Variants in GALNT6 observed in about 807,000 individuals in gnomAD.
GALNT6 encodes the protein polypeptide N-acetylgalactosaminyltransferase 6.
A neutral mutation model predicts 65.9 loss-of-function variants in GALNT6; 51 were observed. That is an observed-to-expected ratio of 0.77 (90% CI 0.62 to 0.98). GALNT6 has a LOEUF of 0.98. Among genes scored for constraint, GALNT6 ranks in the 50% least tolerant of loss-of-function variants. The pLI, the probability that GALNT6 is intolerant of heterozygous loss-of-function variation, is 0.00. For synonymous variants in GALNT6, 323 were observed against 315.1 expected, an observed-to-expected ratio of 1.02 and a Z score of -0.26; for missense variants, 708 against 803.3, an observed-to-expected ratio of 0.88 and a Z score of 1.43.
intron 4 of GALNT6, among the ~76,000 whole-genome samples, chr12:51,369,664 AC>A (rs1294315321): frequency 6.6e-6 from 1 of 152,136 alleles, no homozygotes; most frequent in East Asian, 1.9e-4. Context: ...GGAAAATTCA[AC>A]ATATGCCCAA....
At chr12:51,386,682 A>G (rs752825270) in intron 2 of GALNT6, among the ~76,000 whole-genome samples, 1 of 152,150 alleles carries the variant, frequency 6.6e-6, no homozygotes, top group African/African-American at 2.4e-5. Context: ...CACTCTTACC[A>G]CGGGCACAGG....
intron 4 of GALNT6, among the ~76,000 whole-genome samples, chr12:51,366,882 C>T (rs897943504): frequency 1.3e-5 from 2 of 152,186 alleles, no homozygotes; most frequent in Admixed American, 1.3e-4. Flanking sequence ...AATCCCAGCA[C>T]TTTGGGAGGC....
chr12:51,364,410 A>T (rs1313208270), intron 5 of GALNT6, 55 bp from the exon 6 acceptor site: 2 of 1,260,638 alleles, frequency 1.6e-6, no homozygotes, highest in Non-Finnish European at 2.3e-6. Context: ...GCAGAGCCCA[A>T]GCTGCATCCT....
rs1006263710 is a variant in GALNT6 at position 51,373,078 on chromosome 12, C to T, written c.664+4117G>A. Among the ~76,000 whole-genome samples, 5 of 152,268 alleles carry T rather than the reference C, an allele frequency of 3.3e-5. No homozygotes were observed. In the South Asian group the frequency reaches 8.3e-4, roughly 25 times the overall value. ...TAACTTGCTTTTGATTTTACAGGCTCATAGGGGAAGGGACTTGCCTTGTCT... is the reference window on the plus strand; with the variant it reads ...TAACTTGCTTTTGATTTTACAGGCTTATAGGGGAAGGGACTTGCCTTGTCT... On this transcript the variant is annotated intron_variant, in intron 4 of 11. Transcript: ENST00000356317.
rs1186782033 is a variant in GALNT6, at chr12:51,353,004, C to A, written c.*1375G>T. ...TTTTCCTATGCTCTGTGGAGGCCAGCCAGCTAGAAATGATTAGAATGGAGG... is the reference window on the plus strand; with the variant it reads ...TTTTCCTATGCTCTGTGGAGGCCAGACAGCTAGAAATGATTAGAATGGAGG... On this transcript the variant is annotated 3_prime_UTR_variant, in exon 12 of 12. Transcript: ENST00000356317. 1 of 152,184 alleles carries A rather than the reference C, an allele frequency of 6.6e-6. No individual in the cohort carries two copies. Among genetic ancestry groups the A allele is most frequent in the Non-Finnish European group, 1.5e-5 (1 of 68,108 alleles). The allele number at this position is 152,184 out of a possible 1,614,324, so 9.4% of individuals were successfully genotyped here.
chr12:51,376,544 A>G (rs1947458290), intron 4 of GALNT6, among the ~76,000 whole-genome samples: 1 of 151,300 alleles, frequency 6.6e-6, no homozygotes, highest in East Asian at 2.0e-4. Flanking sequence ...GAGGCAGGAG[A>G]ATCGCTTGAA....
At position 51,357,426 on chromosome 12, in the gene GALNT6, A is replaced by G. The variant is rs374935407; in HGVS notation, c.1525T>C (p.Cys509Arg). 10 of 1,613,880 alleles carry G rather than the reference A, an allele frequency of 6.2e-6. No homozygotes were observed. Among genetic ancestry groups the G allele is most frequent in the Non-Finnish European group, 8.5e-6 (10 of 1,179,776 alleles). The change falls in exon 10 of 12, where the codon TGC (cysteine) becomes CGC (arginine). Residue 509 changes from cysteine to arginine, a missense_variant. Physicochemically the swap from Cys to Arg is radical, Grantham distance 180. Transcript: ENST00000356317. ...GAIKNLGTNQ[C>R]LDVGENNRGG... ...CGGTTGTTCTCACCCACATCCAGGC[A>G]TTGGTTGGTGCCGAGGTTCTTGATC...
At chr12:51,382,875 T>G (rs905457189) in intron 2 of GALNT6, among the ~76,000 whole-genome samples, 1 of 152,236 alleles carries the variant, frequency 6.6e-6, no homozygotes, top group African/African-American at 2.4e-5. Flanking sequence ...TTACCCCGTC[T>G]GGTACACAGA....
At position 51,351,321 on chromosome 12, in the gene GALNT6, C is replaced by T. The variant is rs867700287; in HGVS notation, c.*3058G>A. The T allele has an allele frequency of 3.9e-5, 6 of 152,180 alleles. No individual in the cohort carries two copies. The highest frequency in any genetic ancestry group is 7.2e-5 in the African/African-American group (3 of 41,438). The allele number at this position is 152,180 out of a possible 1,614,324, so 9.4% of individuals were successfully genotyped here. On this transcript the variant is annotated 3_prime_UTR_variant, in exon 12 of 12. Coordinates refer to ENST00000356317, the MANE Select transcript of GALNT6 (RefSeq NM_007210.4). ...TTTTTTTTGAATGGAGCAAGAGCTCCGTGAAGGCTAAAGTGCCTAGGGCCC... is the reference window on the plus strand; with the variant it reads ...TTTTTTTTGAATGGAGCAAGAGCTCTGTGAAGGCTAAAGTGCCTAGGGCCC...
rs193178441 is a variant in GALNT6, at chr12:51,364,712, C to T, written c.815-357G>A. Among the ~76,000 whole-genome samples, 354 of 152,320 alleles carry T rather than the reference C, an allele frequency of 2.3e-3. 2 individuals are homozygous for T. Among genetic ancestry groups the T allele is most frequent in the African/African-American group, 7.8e-3 (326 of 41,566 alleles). On this transcript the variant is annotated intron_variant, in intron 5 of 11. Transcript: ENST00000356317. ...TGTGGATTTCAGAAGAGGGTGTTCC[C>T]CCTCCCAGGGGCATCCGCATGTCAA...
chr12:51,363,478 T>C (rs1272163834), intron 6 of GALNT6, among the ~76,000 whole-genome samples: 2 of 152,018 alleles, frequency 1.3e-5, no homozygotes, highest in Non-Finnish European at 2.9e-5. Context: ...TTAATGTTTG[T>C]AAAAAAAATA....
At chr12:51,384,848 G>C (rs1252381006) in intron 2 of GALNT6, among the ~76,000 whole-genome samples, 1 of 152,042 alleles carries the variant, frequency 6.6e-6, no homozygotes, top group East Asian at 1.9e-4. Flanking sequence ...TCATGCCACT[G>C]CACTACAACC....
At chr12:51,372,691 G>C (rs1747946649) in intron 4 of GALNT6, among the ~76,000 whole-genome samples, 1 of 152,218 alleles carries the variant, frequency 6.6e-6, no homozygotes, top group South Asian at 2.1e-4. Context: ...CTGAACACAG[G>C]CTACTCTGCC....
rs943876855 is a variant in GALNT6 at position 51,388,162 on chromosome 12, T to A, written c.-104+2688A>T. Among the ~76,000 whole-genome samples the A allele has an allele frequency of 3.3e-5, 5 of 152,362 alleles. No individual in the cohort carries two copies. In the South Asian group the frequency reaches 1.0e-3, roughly 32 times the overall value. On this transcript the variant is annotated intron_variant, in intron 2 of 11. Transcript: ENST00000356317. Reference sequence around the variant, plus strand: ...CACACCCGCTCCCAAGTCCTGCTGATTCATTCCCTGCCTCCGGGTTCCTCA... The same window carrying A: ...CACACCCGCTCCCAAGTCCTGCTGAATCATTCCCTGCCTCCGGGTTCCTCA...
chr12:51,357,326 C>A, intron 10 of GALNT6, 23 bp downstream of exon 10: 2 of 1,476,182 alleles, frequency 1.4e-6, no homozygotes, highest in South Asian at 2.3e-5. Context: ...AGGAGATGCT[C>A]CGGAGATGGG....
At chr12:51,377,859 T>A (rs778936120) in intron 3 of GALNT6, among the ~76,000 whole-genome samples, 1 of 152,230 alleles carries the variant, frequency 6.6e-6, no homozygotes, top group African/African-American at 2.4e-5. Context: ...AGTTCCTCTC[T>A]AATCCATTTT....
At position 51,359,219 on chromosome 12, in the gene GALNT6, A is replaced by T. The variant is rs145483565; in HGVS notation, c.1281T>A (p.Asn427Lys). ...FPKGTSVIAR[N>K]QVRLAEVWMD... is the part of the protein sequence containing the mutation. Reference sequence around the variant, plus strand: ...TCCAGACCTCTGCCAGGCGCACTTGATTGCGAGCAATGACACTAGTGCCCT... The same window carrying T: ...TCCAGACCTCTGCCAGGCGCACTTGTTTGCGAGCAATGACACTAGTGCCCT... Residue 427 changes from asparagine to lysine, a missense_variant, in exon 8 of 12, where the codon AAT becomes AAA. Coordinates refer to ENST00000356317, the MANE Select transcript of GALNT6 (RefSeq NM_007210.4). 29 of 1,613,980 alleles carry T rather than the reference A, an allele frequency of 1.8e-5. No homozygotes were observed. The highest frequency in any genetic ancestry group is 2.7e-5 in the African/African-American group (2 of 74,908).
intron 2 of GALNT6, among the ~76,000 whole-genome samples, chr12:51,384,909 A>T (rs114136585): frequency 0.021 from 3,226 of 152,284 alleles, 107 homozygotes; most frequent in African/African-American, 0.074. Context: ...AATAAATTTT[A>T]AAAACCCAGA....
intron 2 of GALNT6, among the ~76,000 whole-genome samples, chr12:51,384,897 T>C (rs1167027764): frequency 1.3e-5 from 2 of 151,990 alleles, no homozygotes; most frequent in Non-Finnish European, 2.9e-5. Flanking sequence ...AAAATAAAAA[T>C]AAATAAATTT....
Sources: gnomAD v4.1 joint callset for allele counts (sites outside exome capture counted in the v4.1 genomes callset) on GRCh38, gnomAD v4.1.1 for gene constraint, MANE v1.5 for transcripts, NCBI Gene and HGNC (gene_info 2026-07-23, HGNC 2026-07-21) for gene names.